Variants in MAP2K5 observed in about 807,000 individuals in gnomAD.
MAP2K5 encodes dual specificity mitogen-activated protein kinase kinase 5.
In MAP2K5, 49 loss-of-function variants were observed where a neutral mutation model predicts 83.1. That is an observed-to-expected ratio of 0.59 (90% confidence interval 0.47 to 0.75). The LOEUF (loss-of-function observed/expected upper bound fraction) is 0.75. Ranked by LOEUF, MAP2K5 falls within the 30% of genes least tolerant of loss-of-function variation. MAP2K5 has a pLI of 0.00. For missense variants in MAP2K5, 457 were observed against 557.5 expected (o/e 0.82, Z 1.82); for synonymous variants, 202 against 191.8 (o/e 1.05, Z -0.44).
chr15:67,655,196 T>TCTCTTAA (rs537294314), intron 11 of MAP2K5, among the ~76,000 whole-genome samples: 2 of 152,236 alleles, frequency 1.3e-5, no homozygotes, highest in Non-Finnish European at 2.9e-5. Flanking sequence ...TTTAAAATTA[T>TCTCTTAA]GCCATTGTCT....
At chr15:67,700,384 G>T (rs2088384293) in intron 15 of MAP2K5, among the ~76,000 whole-genome samples, 1 of 152,196 alleles carries the variant, frequency 6.6e-6, no homozygotes, top group Non-Finnish European at 1.5e-5. Context: ...AGATGTTTTA[G>T]ACAAGAGTCA....
chr15:67,590,083 A>C (rs535554891), intron 6 of MAP2K5, among the ~76,000 whole-genome samples: 1 of 152,252 alleles, frequency 6.6e-6, no homozygotes, highest in East Asian at 1.9e-4. Flanking sequence ...CAAAATTGTT[A>C]ATTGCCACTT....
chr15:67,621,981 C>G (rs1448430960), intron 8 of MAP2K5, among the ~76,000 whole-genome samples: 1 of 151,774 alleles, frequency 6.6e-6, no homozygotes, highest in African/African-American at 2.4e-5. Flanking sequence ...ATCAGGAGTT[C>G]GAGATCAGCC....
At position 67,738,196 on chromosome 15, in the gene MAP2K5, G is replaced by A. The variant is rs1005111065; in HGVS notation, c.1075-10035G>A. ...AAGAAGCTATTGGCCTACAGGTTCA[G>A]AGGAGGAGAGACCAAAGGGGTAATG... On this transcript the variant is annotated intron_variant, in intron 17 of 21. Coordinates refer to ENST00000178640, the MANE Select transcript of MAP2K5 (RefSeq NM_145160.3). This position sits in a 1 kb window ranked among gnomAD's most constrained non-coding sequence, Gnocchi z 4.1. 2.0e-5 allele frequency among the ~76,000 whole-genome samples: 3 copies of A among 152,174 alleles called. No individual in the cohort carries two copies. The highest frequency in any genetic ancestry group is 4.4e-5 in the Non-Finnish European group (3 of 68,034).
intron 9 of MAP2K5, among the ~76,000 whole-genome samples, chr15:67,631,558 C>G (rs2086473973): frequency 6.6e-6 from 1 of 152,146 alleles, no homozygotes; most frequent in South Asian, 2.1e-4. Context: ...TTCTGACTCC[C>G]TCGGCATACT....
At chr15:67,611,084 A>G (rs1013945566) in intron 8 of MAP2K5, among the ~76,000 whole-genome samples, 17 of 152,332 alleles carry the variant, frequency 1.1e-4, no homozygotes, top group African/African-American at 3.4e-4. Context: ...AAACATACTG[A>G]TTCTATTACG....
At chr15:67,611,289 G>C (rs2085917916) in intron 8 of MAP2K5, among the ~76,000 whole-genome samples, 1 of 152,140 alleles carries the variant, frequency 6.6e-6, no homozygotes, top group Admixed American at 6.6e-5. Flanking sequence ...TAAAATTATA[G>C]AATGAATTTT....
At chr15:67,714,069 C>T (rs1425270820) in intron 16 of MAP2K5, among the ~76,000 whole-genome samples, 1 of 152,142 alleles carries the variant, frequency 6.6e-6, no homozygotes, top group Middle Eastern at 3.4e-3. Context: ...ATGTCAAACA[C>T]GTTATTAAGT....
Position 67,638,248 on chromosome 15 carries a change from G to T in MAP2K5, c.585+7321G>T, listed in dbSNP as rs1026531415. On this transcript the variant is annotated intron_variant, in intron 9 of 21. Transcript: ENST00000178640. This position sits in a 1 kb window ranked among gnomAD's most constrained non-coding sequence, Gnocchi z 4.5. ...ACCCTCCACCTTCTGATAGGCCACAGTGTGTGGTGTTTCCCTCTATGTGTC... is the reference window on the plus strand; with the variant it reads ...ACCCTCCACCTTCTGATAGGCCACATTGTGTGGTGTTTCCCTCTATGTGTC... 2.0e-5 allele frequency among the ~76,000 whole-genome samples: 3 copies of T among 152,090 alleles called. No individual in the cohort carries two copies. The highest frequency in any genetic ancestry group is 7.2e-5 in the African/African-American group (3 of 41,398).
chr15:67,701,278 A>G (rs556283486), intron 15 of MAP2K5, among the ~76,000 whole-genome samples: 2 of 152,350 alleles, frequency 1.3e-5, no homozygotes, highest in East Asian at 3.9e-4. Flanking sequence ...AGGAAGTTAT[A>G]TAAGAACTCT....
intron 11 of MAP2K5, among the ~76,000 whole-genome samples, chr15:67,655,655 G>T (rs2087054518): frequency 6.6e-6 from 1 of 151,912 alleles, no homozygotes; most frequent in Admixed American, 6.6e-5. Flanking sequence ...TTTGTCTTTG[G>T]CTATGGATAG....
At position 67,774,597 on chromosome 15, in the gene MAP2K5, G is replaced by A. The variant is rs1253094200; in HGVS notation, c.1242+1845G>A. ...AAGGAACTTAAGCCACATCCTAGGG[G>A]CCCAATCTAAAGGAACCAGCCTCTT... On this transcript the variant is annotated intron_variant, in intron 21 of 21. Transcript: ENST00000178640. The surrounding 1 kb of genome is among the most constrained non-coding windows in gnomAD (Gnocchi z 4.9). 1.3e-5 allele frequency among the ~76,000 whole-genome samples: 2 copies of A among 152,158 alleles called. No individual in the cohort carries two copies. Among genetic ancestry groups the A allele is most frequent in the African/African-American group, 2.4e-5 (1 of 41,420 alleles).
intron 4 of MAP2K5, among the ~76,000 whole-genome samples, chr15:67,585,576 G>C: frequency 6.6e-6 from 1 of 152,060 alleles, no homozygotes; most frequent in East Asian, 1.9e-4. Flanking sequence ...AATAGAATGA[G>C]GACAGATTGC....
chr15:67,792,543 C>T (rs974931824), intron 21 of MAP2K5, among the ~76,000 whole-genome samples: 2 of 152,082 alleles, frequency 1.3e-5, no homozygotes, highest in South Asian at 4.1e-4. Flanking sequence ...ACTCTCTGAC[C>T]GTCTCTCTGG....
intron 15 of MAP2K5, among the ~76,000 whole-genome samples, chr15:67,699,782 T>C (rs1596817108): frequency 1.3e-5 from 2 of 152,276 alleles, no homozygotes; most frequent in African/African-American, 4.8e-5. Flanking sequence ...TTAAGTGACA[T>C]AGTAGATTTT....
chr15:67,569,106 A>C (rs2084903245), intron 3 of MAP2K5, among the ~76,000 whole-genome samples: 1 of 152,188 alleles, frequency 6.6e-6, no homozygotes, highest in Non-Finnish European at 1.5e-5. Context: ...CTTGTTTACC[A>C]AATTCATTGT....
At chr15:67,740,177 G>A (rs749120418) in intron 17 of MAP2K5, among the ~76,000 whole-genome samples, 1 of 152,154 alleles carries the variant, frequency 6.6e-6, no homozygotes, top group African/African-American at 2.4e-5. Context: ...GCCAGCAATT[G>A]TATTCTATCC....
chr15:67,633,260 AGTTACTTTTTT>A (rs1380385254), intron 9 of MAP2K5, among the ~76,000 whole-genome samples: 2 of 152,086 alleles, frequency 1.3e-5, no homozygotes, highest in Non-Finnish European at 2.9e-5. Context: ...CCATCCATTG[AGTTACTTTTTT>A]GTTCCTTTTA....
At chr15:67,594,144 C>T (rs1177650642) in intron 7 of MAP2K5, among the ~76,000 whole-genome samples, 2 of 152,118 alleles carry the variant, frequency 1.3e-5, no homozygotes, top group Non-Finnish European at 2.9e-5. Context: ...ATCCTATATA[C>T]AGCTAAGGAG....
Sources: gnomAD v4.1 joint callset for allele counts (sites outside exome capture counted in the v4.1 genomes callset) on GRCh38, gnomAD v4.1.1 for gene constraint, Gnocchi (gnomAD v3.1) non-coding constraint, MANE v1.5 for transcripts, NCBI Gene and HGNC (gene_info 2026-07-23, HGNC 2026-07-21) for gene names.